KLHL5: variants seen among roughly 807,000 people sequenced by gnomAD.
KLHL5 encodes the protein kelch like family member 5.
In KLHL5, 48 loss-of-function variants were observed where a neutral mutation model predicts 77.7. The observed-to-expected ratio is 0.62, with a 90% CI of 0.49 to 0.79. KLHL5 has a LOEUF of 0.79. KLHL5 is among the 30% of genes least tolerant of loss of function. The pLI is 0.00. For synonymous variants in KLHL5, 260 were observed against 297.0 expected (o/e 0.88, Z 1.28); for missense variants, 723 against 859.7 (o/e 0.84, Z 1.99).
At chr4:39,073,450 G>A (rs1016778796) in intron 1 of KLHL5, among the ~76,000 whole-genome samples, 2 of 152,270 alleles carry the variant, frequency 1.3e-5, no homozygotes, top group Middle Eastern at 3.4e-3. Context: ...TACAAGAAAT[G>A]TGATACAAAA....
At chr4:39,051,998 T>G (rs954546907) in intron 1 of KLHL5, among the ~76,000 whole-genome samples, 2 of 152,096 alleles carry the variant, frequency 1.3e-5, no homozygotes, top group African/African-American at 2.4e-5. Flanking sequence ...GCCAAAAGAG[T>G]TAACTGAAGC....
intron 1 of KLHL5, among the ~76,000 whole-genome samples, chr4:39,072,451 A>G (rs1046849750): frequency 1.7e-4 from 26 of 152,194 alleles, no homozygotes; most frequent in African/African-American, 6.0e-4. Flanking sequence ...ACCGAGGTCT[A>G]TAGGACTCTA....
chr4:39,045,243 G>T, intron 1 of KLHL5: 3 of 889,316 alleles, frequency 3.4e-6, no homozygotes, highest in Non-Finnish European at 4.0e-6. Flanking sequence ...GCGGCTGCGA[G>T]GCCCTCGGGT....
chr4:39,066,743 C>G (rs1483271114), intron 1 of KLHL5, among the ~76,000 whole-genome samples: 1 of 152,162 alleles, frequency 6.6e-6, no homozygotes, highest in African/African-American at 2.4e-5. Context: ...CTGTGAGGCA[C>G]TGTTCTAAGC....
intron 2 of KLHL5, among the ~76,000 whole-genome samples, chr4:39,077,356 G>A (rs557371291): frequency 6.6e-6 from 1 of 152,130 alleles, no homozygotes; most frequent in Admixed American, 6.6e-5. Context: ...CAGCTACTCG[G>A]GAGGCTGAGG....
chr4:39,059,826 G>A (rs2711944), upstream of KLHL5, among the ~76,000 whole-genome samples: 110,501 of 151,994 alleles, frequency 0.73, 40,332 homozygotes, highest in East Asian at 0.82. Flanking sequence ...GTGAACCCAG[G>A]AGATGGAGCC....
At chr4:39,095,577 A>G (rs1047760290) in intron 5 of KLHL5, among the ~76,000 whole-genome samples, 2 of 151,994 alleles carry the variant, frequency 1.3e-5, no homozygotes, top group African/African-American at 4.8e-5. Flanking sequence ...TTTTAGTAGC[A>G]GAAAAAAGTA....
intron 10 of KLHL5, among the ~76,000 whole-genome samples, chr4:39,119,892 G>A (rs944858322): frequency 6.6e-5 from 10 of 150,936 alleles, no homozygotes; most frequent in African/African-American, 4.9e-5. Flanking sequence ...AGGTCAGTTC[G>A]ATAATGCTAT....
intron 1 of KLHL5, among the ~76,000 whole-genome samples, chr4:39,057,214 A>G (rs1430508580): frequency 6.6e-6 from 1 of 152,242 alleles, no homozygotes; most frequent in Non-Finnish European, 1.5e-5. Context: ...ATTTAAAGTC[A>G]GAAATTATTT....
chr4:39,071,743 TC>T (rs1718497793), intron 1 of KLHL5, among the ~76,000 whole-genome samples: 2 of 152,232 alleles, frequency 1.3e-5, no homozygotes, highest in African/African-American at 4.8e-5. Context: ...TTGCCTCTTT[TC>T]TATGTTTAGG....
chr4:39,081,320 C>T lies in KLHL5; in HGVS notation c.703+81C>T. On this transcript the variant is annotated intron_variant, in intron 3 of 10. Transcript: ENST00000504108. This position sits in a 1 kb window ranked among gnomAD's most constrained non-coding sequence, Gnocchi z 4.3. ...ATTTCAGATTTCTGTTTTTAGAAAG[C>T]ATGCCATAGCTAACAGTTAGTTCTG... 1 of 1,197,730 alleles carries T rather than the reference C, an allele frequency of 8.3e-7. No individual in the cohort carries two copies. The highest frequency in any genetic ancestry group is 1.8e-5 in the South Asian group (1 of 56,440). The allele number at this position is 1,197,730 out of a possible 1,614,324, so 74.2% of individuals were successfully genotyped here. A position where few individuals can be genotyped will look rare whatever the true frequency, so the allele number is the denominator to read the frequency against.
At chr4:39,117,028 G>C (rs1298776468) in intron 10 of KLHL5, among the ~76,000 whole-genome samples, 1 of 152,094 alleles carries the variant, frequency 6.6e-6, no homozygotes, top group African/African-American at 2.4e-5. Context: ...GTAGAGACGG[G>C]GTTTTGTCAT....
chr4:39,091,729 G>A (rs1413025545), intron 5 of KLHL5, among the ~76,000 whole-genome samples: 6 of 147,146 alleles, frequency 4.1e-5, no homozygotes, highest in Non-Finnish European at 9.0e-5. Context: ...TGAGTGTAGT[G>A]GCACAATCAT....
Position 39,086,656 on chromosome 4 carries a change from G to A in KLHL5, c.1042G>A (p.Asp348Asn), listed in dbSNP as rs761696886. 2.5e-6 allele frequency: 4 copies of A among 1,613,876 alleles called. No homozygotes were observed. Among genetic ancestry groups the A allele is most frequent in the African/African-American group, 2.7e-5 (2 of 74,898 alleles). Residue 348 changes from aspartate (D) to asparagine (N), a missense_variant, in exon 5 of 11, where the codon GAT (aspartate) becomes AAT (asparagine). This residue lies in a region of KLHL5 where 288 missense variants were observed against 400.3 expected (regional missense o/e 0.72). Transcript: ENST00000504108. ...TGCACTTCTTACTTGGGTCCGTCAT[G>A]ATTTGGAACAGAGACGGAAAGATCT... ...LNALLTWVRH[D>N]LEQRRKDLSK...
the KLHL5 span, among the ~76,000 whole-genome samples, chr4:39,135,134 C>T: frequency 6.6e-6 from 1 of 152,102 alleles, no homozygotes; most frequent in Non-Finnish European, 1.5e-5. Context: ...TGCTTTTGCC[C>T]TACTGGAGCT....
At chr4:39,074,924 TC>T (rs1457789285) in intron 1 of KLHL5, among the ~76,000 whole-genome samples, 2 of 152,190 alleles carry the variant, frequency 1.3e-5, no homozygotes, top group Non-Finnish European at 2.9e-5. Flanking sequence ...ATTTAAGTGA[TC>T]CTGGAGAGGA....
chr4:39,076,163 A>G lies in KLHL5; in HGVS notation c.566+16A>G. The stretch of plus-strand genomic sequence containing the variant: ...CAGCTCACAGGTAGTTGTTTTCTAT[A>G]TTTCTGTATGTGTGAAATATTTCCT... On this transcript the variant is annotated intron_variant, in intron 2 of 10. Transcript: ENST00000504108. The G allele has an allele frequency of 6.3e-7, 1 of 1,587,398 alleles. No homozygotes were observed. Among genetic ancestry groups the G allele is most frequent in the Non-Finnish European group, 8.5e-7 (1 of 1,172,164 alleles).
At chr4:39,070,616 G>A (rs1312414675) in intron 1 of KLHL5, among the ~76,000 whole-genome samples, 4 of 151,992 alleles carry the variant, frequency 2.6e-5, no homozygotes, top group Admixed American at 2.6e-4. Context: ...ATTCTCACCA[G>A]CATTGTATAA....
chr4:39,047,774 C>T (rs1413259833), intron 1 of KLHL5, among the ~76,000 whole-genome samples: 1 of 152,192 alleles, frequency 6.6e-6, no homozygotes, highest in Non-Finnish European at 1.5e-5. Flanking sequence ...ATGGGATTGA[C>T]ATTTTTTATC....
Sources: allele counts gnomAD v4.1 joint callset (sites outside exome capture counted in the v4.1 genomes callset), GRCh38; gene constraint gnomAD v4.1.1; regional missense constraint gnomAD v4.1.1; non-coding constraint Gnocchi (gnomAD v3.1); transcripts MANE v1.5; gene names NCBI Gene and HGNC (gene_info 2026-07-23, HGNC 2026-07-21).